The following QTMAN variants were observed in gnomAD, a reference collection of about 807,000 sequenced individuals.
The protein encoded by QTMAN is queuosine-tRNA mannosyltransferase.
At chr2:144,175,777 G>T in the QTMAN span, among the ~76,000 whole-genome samples, 1 of 152,054 alleles carries the variant, frequency 6.6e-6, no homozygotes, top group Non-Finnish European at 1.5e-5. Context: ...CAATTCTCCT[G>T]CCTCAGCCTC....
chr2:144,166,224 AT>A, the QTMAN span, among the ~76,000 whole-genome samples: 1 of 152,148 alleles, frequency 6.6e-6, no homozygotes, highest in Non-Finnish European at 1.5e-5. Context: ...TCTAATTTGC[AT>A]TGTATGCCAC....
the QTMAN span, among the ~76,000 whole-genome samples, chr2:144,019,729 G>C: frequency 3.3e-5 from 5 of 152,064 alleles, no homozygotes; most frequent in Admixed American, 2.6e-4. Flanking sequence ...AGAGACCAGG[G>C]GAGGCCAAAG....
chr2:144,230,843 G>A, the QTMAN span, among the ~76,000 whole-genome samples: 9 of 151,868 alleles, frequency 5.9e-5, no homozygotes, highest in South Asian at 1.9e-3. Context: ...TTTAGGACAG[G>A]GAAAAAAAAC....
At chr2:144,316,751 G>T in the QTMAN span, among the ~76,000 whole-genome samples, 4 of 152,256 alleles carry the variant, frequency 2.6e-5, no homozygotes, top group Non-Finnish European at 2.9e-5. Flanking sequence ...CGTGTTAAAA[G>T]CTGTTAATCT....
the QTMAN span, among the ~76,000 whole-genome samples, chr2:144,296,168 T>C: frequency 1.3e-5 from 2 of 152,288 alleles, no homozygotes; most frequent in East Asian, 1.9e-4. Context: ...TATTTCCACA[T>C]GTATGTCTGA....
chr2:144,244,536 GAAT>G, the QTMAN span, among the ~76,000 whole-genome samples: 2 of 152,068 alleles, frequency 1.3e-5, no homozygotes, highest in African/African-American at 2.4e-5. Flanking sequence ...TTTTGTGAAA[GAAT>G]AATATAAAAA....
the QTMAN span, among the ~76,000 whole-genome samples, chr2:144,196,664 A>G: frequency 1.3e-5 from 2 of 152,198 alleles, 1 homozygote; most frequent in Admixed American, 1.3e-4. Context: ...CCTAAAGCAT[A>G]TTGCCTTATT....
chr2:144,161,154 A>C, the QTMAN span, among the ~76,000 whole-genome samples: 2 of 152,258 alleles, frequency 1.3e-5, no homozygotes, highest in Non-Finnish European at 2.9e-5. Flanking sequence ...CAGACACTCC[A>C]TTGTCATGTT....
chr2:143,973,672 C>T, the QTMAN span, among the ~76,000 whole-genome samples: 1 of 151,932 alleles, frequency 6.6e-6, no homozygotes, highest in Admixed American at 6.6e-5. Flanking sequence ...GCTTGTAGTC[C>T]CAGCTACACG....
chr2:144,239,480 C>T, the QTMAN span, among the ~76,000 whole-genome samples: 23 of 152,140 alleles, frequency 1.5e-4, no homozygotes, highest in African/African-American at 5.1e-4. Flanking sequence ...AGAAGTGATG[C>T]TGCTGACTTT....
the QTMAN span, among the ~76,000 whole-genome samples, chr2:144,331,021 CTTA>C: frequency 1.3e-5 from 2 of 152,152 alleles, no homozygotes; most frequent in Non-Finnish European, 2.9e-5. Context: ...TATTTCCTAC[CTTA>C]TTGCAAGTAT....
chr2:144,246,434 G>A, the QTMAN span, among the ~76,000 whole-genome samples: 3 of 150,632 alleles, frequency 2.0e-5, no homozygotes, highest in South Asian at 2.1e-4. Flanking sequence ...TTAGCCGGGC[G>A]CGGTGGCGGG....
chr2:144,161,313 C>T, the QTMAN span, among the ~76,000 whole-genome samples: 2 of 152,180 alleles, frequency 1.3e-5, no homozygotes, highest in Non-Finnish European at 2.9e-5. Flanking sequence ...TTCCCTGTGG[C>T]TGTCTTGTTC....
chr2:144,169,953 A>C, the QTMAN span, among the ~76,000 whole-genome samples: 3 of 152,122 alleles, frequency 2.0e-5, no homozygotes, highest in African/African-American at 7.2e-5. Flanking sequence ...CAATTTGTTC[A>C]TTTTGAATAT....
chr2:144,124,785 A>G, the QTMAN span, among the ~76,000 whole-genome samples: 1 of 152,062 alleles, frequency 6.6e-6, no homozygotes, highest in Non-Finnish European at 1.5e-5. Flanking sequence ...CCAAATGAAA[A>G]CCCAATCTGA....
At chr2:144,244,337 A>ATCTCTACAGGTG in the QTMAN span, among the ~76,000 whole-genome samples, 1 of 152,166 alleles carries the variant, frequency 6.6e-6, no homozygotes, top group African/African-American at 2.4e-5. Context: ...AGGTGTGCTG[A>ATCTCTACAGGTG]TCTCTACAGG....
At chr2:144,242,875 T>G in the QTMAN span, among the ~76,000 whole-genome samples, 4 of 140,024 alleles carry the variant, frequency 2.9e-5, no homozygotes, top group African/African-American at 1.1e-4. Context: ...GACATGAGAA[T>G]CACCTGAACG....
chr2:144,146,561 C>T, the QTMAN span, among the ~76,000 whole-genome samples: 1 of 151,620 alleles, frequency 6.6e-6, no homozygotes, highest in African/African-American at 2.4e-5. Context: ...AAAAGATGAA[C>T]AAGACAGCTC....
the QTMAN span, among the ~76,000 whole-genome samples, chr2:144,203,188 T>C: frequency 2.1e-5 from 3 of 146,228 alleles, no homozygotes; most frequent in South Asian, 2.2e-4. Flanking sequence ...TGTGTGTGTG[T>C]GTGCACGTGC....
Sources: gnomAD v4.1 joint callset for allele counts (sites outside exome capture counted in the v4.1 genomes callset) on GRCh38, gnomAD v4.1.1 for gene constraint, MANE v1.5 for transcripts, NCBI Gene and HGNC (gene_info 2026-07-23, HGNC 2026-07-21) for gene names.